Variants in DSTYK observed in about 807,000 individuals in gnomAD.
DSTYK encodes dual serine/threonine and tyrosine protein kinase.
Under a neutral mutation model 98.7 loss-of-function variants are expected in DSTYK, and 34 were observed. The ratio of observed to expected loss-of-function variants is 0.34; its 90% CI spans 0.26 to 0.46. The LOEUF is 0.46. Among genes scored for constraint, DSTYK ranks in the 20% least tolerant of loss-of-function variants. DSTYK has a pLI of 1.00. For synonymous variants in DSTYK, 462 were observed against 457.3 expected (o/e 1.01, Z -0.13); for missense variants, 962 against 1,181.7 (o/e 0.81, Z 2.73).
chr1:205,209,462 C>A (rs1246193407), intron 1 of DSTYK, among the ~76,000 whole-genome samples: 1 of 130,776 alleles, frequency 7.6e-6, no homozygotes, highest in African/African-American at 2.5e-5. Flanking sequence ...TATTTCTGGA[C>A]GTAAGATGTC....
At chr1:205,171,700 CA>C (rs1162299738) in intron 2 of DSTYK, among the ~76,000 whole-genome samples, 3 of 152,128 alleles carry the variant, frequency 2.0e-5, no homozygotes, top group African/African-American at 4.8e-5. Flanking sequence ...GGGACTCACA[CA>C]TATTAATATA....
Position 205,211,541 on chromosome 1 carries a change from C to T in DSTYK, c.-6G>A. On this transcript the variant is annotated 5_prime_UTR_variant, in exon 1 of 13. Transcript: ENST00000367162. ...GGCACCCCGTCGCCCTCCATCGCCT[C>T]TGCCCGCTCTGTCTTTGCGGCTCGG... The T allele has an allele frequency of 6.6e-7, 1 of 1,510,088 alleles. No individual in the cohort carries two copies. The highest frequency in any genetic ancestry group is 8.8e-7 in the Non-Finnish European group (1 of 1,136,968). The allele number at this position is 1,510,088 out of a possible 1,614,324, so 93.5% of individuals were successfully genotyped here.
Position 205,159,572 on chromosome 1 carries a change from T to C in DSTYK, c.2213A>G (p.His738Arg). Residue 738 changes from histidine to arginine, a missense_variant, in exon 9 of 13, where the codon CAC becomes CGC. Physicochemically the swap from His to Arg is conservative, Grantham distance 29 (BLOSUM62 0). Coordinates refer to ENST00000367162, the MANE Select transcript of DSTYK (RefSeq NM_015375.3). ...CTTCAGCCCTGTGTAGAGATCCCGG[T>C]GTAGCCGCTCCATAATGAGGAGCAC... ...IAVLLIMERL[H>R]RDLYTGLKAG... The C allele has an allele frequency of 6.4e-7, 1 of 1,569,670 alleles. No homozygotes were observed. Among genetic ancestry groups the C allele is most frequent in the Non-Finnish European group, 8.6e-7 (1 of 1,156,474 alleles).
chr1:205,165,047 T>C (rs1175275259), intron 3 of DSTYK, among the ~76,000 whole-genome samples: 1 of 152,146 alleles, frequency 6.6e-6, no homozygotes, highest in Non-Finnish European at 1.5e-5. Flanking sequence ...CTCCCTAGCA[T>C]ATTAATGAGA....
In DSTYK at chr1:205,166,205, G is replaced by T. The variant is rs574846519; in HGVS notation, c.1325-2250C>A. Among the ~76,000 whole-genome samples the T allele has an allele frequency of 4.6e-5, 7 of 152,244 alleles. No homozygotes were observed. In the South Asian group the frequency reaches 1.5e-3, roughly 32 times the overall value. On this transcript the variant is annotated intron_variant, in intron 3 of 12. Transcript: ENST00000367162. ...AGACAAGTGCAGAAGAACATATGGA[G>T]AAGAACTGGGTGGCTGGGGGATGGT...
At chr1:205,190,615 C>CA (rs760042971) in intron 1 of DSTYK, among the ~76,000 whole-genome samples, 42,544 of 71,386 alleles carry the variant, frequency 0.6, 11,511 homozygotes, top group Non-Finnish European at 0.66. Context: ...GACTCCATCT[C>CA]AAAAAAAAAA....
At chr1:205,204,114 T>G (rs1221748204) in intron 1 of DSTYK, among the ~76,000 whole-genome samples, 1 of 151,542 alleles carries the variant, frequency 6.6e-6, no homozygotes, top group Non-Finnish European at 1.5e-5. Flanking sequence ...TGTCAGGGAG[T>G]GGAAACTAGA....
chr1:205,169,510 T>C lies in DSTYK; in HGVS notation c.977A>G (p.Asp326Gly). ...CACCAACATGCTCTGAGCTTTAGTATCCTGGCCAGGAGCCCCACAGTTCCA... is the reference window on the plus strand; with the variant it reads ...CACCAACATGCTCTGAGCTTTAGTACCCTGGCCAGGAGCCCCACAGTTCCA... Reference protein sequence around the residue: ...SHWNCGAPGQDTKAQSMLVEQ... With the variant: ...SHWNCGAPGQGTKAQSMLVEQ... The change falls in exon 3 of 13, where the codon GAT becomes GGT. Residue 326 changes from aspartate to glycine, a missense_variant. Around this residue, in one of 4 missense-constraint regions of DSTYK, gnomAD observed 660 missense variants for 855.0 expected, o/e 0.77. Transcript: ENST00000367162. This position sits in a 1 kb window ranked among gnomAD's most constrained non-coding sequence, Gnocchi z 4.0. The C allele has an allele frequency of 6.2e-7, 1 of 1,614,136 alleles. No homozygotes were observed. The highest frequency in any genetic ancestry group is 2.2e-5 in the East Asian group (1 of 44,876).
chr1:205,206,285 G>GTT (rs1320166936), intron 1 of DSTYK, among the ~76,000 whole-genome samples: 6 of 145,568 alleles, frequency 4.1e-5, no homozygotes, highest in Admixed American at 6.9e-5. Flanking sequence ...TTTTTTTTTA[G>GTT]TTTTTTGTTT....
chr1:205,211,540 T>G lies in DSTYK; in HGVS notation c.-5A>C. On this transcript the variant is annotated 5_prime_UTR_variant, in exon 1 of 13. Transcript: ENST00000367162. ...TGGCACCCCGTCGCCCTCCATCGCCTCTGCCCGCTCTGTCTTTGCGGCTCG... is the reference window on the plus strand; with the variant it reads ...TGGCACCCCGTCGCCCTCCATCGCCGCTGCCCGCTCTGTCTTTGCGGCTCG... 2.7e-6 allele frequency: 4 copies of G among 1,508,906 alleles called. No individual in the cohort carries two copies. Among genetic ancestry groups the G allele is most frequent in the Non-Finnish European group, 3.5e-6 (4 of 1,136,498 alleles). 93.5% of individuals were successfully genotyped at this position (1,508,906 alleles called of 1,614,324 possible). A position where few individuals can be genotyped will look rare whatever the true frequency, so the allele number is the denominator to read the frequency against.
In DSTYK at chr1:205,160,165, G is replaced by C; in HGVS notation, c.2054C>G (p.Pro685Arg). The change falls in exon 8 of 13, where the codon CCT (proline) becomes CGT (arginine). Residue 685 changes from proline to arginine, a missense_variant. Physicochemically the swap from Pro to Arg is moderately radical, Grantham distance 103. This residue lies in a region of DSTYK where 660 missense variants were observed against 855.0 expected (regional missense o/e 0.77). Coordinates refer to ENST00000367162, the MANE Select transcript of DSTYK (RefSeq NM_015375.3). ...ATCATTCCAGTGCTTCTCATCTGGA[G>C]GGACAACTGATTTGAGGGCACAAGG... ...HFPCALKSVV[P>R]PDEKHWNDLA... is the part of the protein sequence containing the mutation. 2.5e-6 allele frequency: 4 copies of C among 1,614,132 alleles called. No individual in the cohort carries two copies. Among genetic ancestry groups the C allele is most frequent in the Non-Finnish European group, 3.4e-6 (4 of 1,180,018 alleles).
rs371839746 is a variant in DSTYK at position 205,162,081 on chromosome 1, A to T, written c.1773T>A (p.Thr591=). The change falls in exon 6 of 13, where the codon ACT becomes ACA. Residue 591 remains threonine, a synonymous_variant. Coordinates refer to ENST00000367162, the MANE Select transcript of DSTYK (RefSeq NM_015375.3). The part of the protein sequence containing the change: ...LAKSICSQFR[T]RLNSSHEAFA... ...AAGCCTCGTGGGAACTATTGAGCCGAGTCCGGAATTGGCTGCAAATGCTCT... is the reference window on the plus strand; with the variant it reads ...AAGCCTCGTGGGAACTATTGAGCCGTGTCCGGAATTGGCTGCAAATGCTCT... 5.8e-5 allele frequency: 94 copies of T among 1,614,010 alleles called. No individual in the cohort carries two copies. The highest frequency in any genetic ancestry group is 7.7e-5 in the Non-Finnish European group (91 of 1,180,012).
At position 205,150,732 on chromosome 1, in the gene DSTYK, C is replaced by T; in HGVS notation, c.2415G>A (p.Met805Ile). The change falls in exon 11 of 13, where the codon ATG becomes ATA. Residue 805 changes from methionine (M) to isoleucine (I), a missense_variant. Physicochemically the swap from Met to Ile is conservative, Grantham distance 10 (BLOSUM62 1). Around this residue, in one of 4 missense-constraint regions of DSTYK, gnomAD observed 69 missense variants for 142.9 expected, o/e 0.48. Transcript: ENST00000367162. The surrounding 1 kb of genome is among the most constrained non-coding windows in gnomAD (Gnocchi z 4.1). The part of the protein sequence containing the change: ...DLGFCKPEAM[M>I]SGSIVGTPIH... ...TTGGTGTCCCCACAATGCTGCCTGA[C>T]ATCATGGCCTCTGGCTTGCAGAATC... The T allele has an allele frequency of 1.2e-6, 2 of 1,614,132 alleles. No individual in the cohort carries two copies. Among genetic ancestry groups the T allele is most frequent in the Non-Finnish European group, 1.7e-6 (2 of 1,180,030 alleles).
At chr1:205,165,086 A>T (rs1657848644) in intron 3 of DSTYK, among the ~76,000 whole-genome samples, 1 of 152,022 alleles carries the variant, frequency 6.6e-6, no homozygotes, top group South Asian at 2.1e-4. Context: ...ATTGTATTCT[A>T]TGTTTTGTTT....
intron 6 of DSTYK, 81 bp from the exon 7 acceptor site, chr1:205,161,468 T>TAG: frequency 1.5e-6 from 2 of 1,373,176 alleles, no homozygotes; most frequent in East Asian, 4.7e-5. Flanking sequence ...GATAATAATA[T>TAG]CTACTTCATA....
At chr1:205,192,540 T>C (rs1658742351) in intron 1 of DSTYK, among the ~76,000 whole-genome samples, 1 of 151,524 alleles carries the variant, frequency 6.6e-6, no homozygotes, top group Admixed American at 6.6e-5. Context: ...AAAATAATAA[T>C]AATAAAGATG....
At chr1:205,205,762 A>G (rs72743210) in intron 1 of DSTYK, among the ~76,000 whole-genome samples, 5,674 of 152,250 alleles carry the variant, frequency 0.037, 154 homozygotes, top group Non-Finnish European at 0.054. Context: ...CCTATTTTAA[A>G]TAAGTACACT....
At chr1:205,151,737 A>G (rs982776497) in intron 10 of DSTYK, among the ~76,000 whole-genome samples, 1 of 151,440 alleles carries the variant, frequency 6.6e-6, no homozygotes, top group African/African-American at 2.4e-5. Context: ...GTTAAGAACT[A>G]AAACACAGAC....
chr1:205,176,407 C>T (rs1243892293), intron 2 of DSTYK, among the ~76,000 whole-genome samples: 2 of 125,788 alleles, frequency 1.6e-5, no homozygotes, highest in Admixed American at 1.0e-4. Flanking sequence ...GCCCAGGAGG[C>T]GGAGGTTGCG....
Sources: allele counts gnomAD v4.1 joint callset (sites outside exome capture counted in the v4.1 genomes callset), GRCh38; gene constraint gnomAD v4.1.1; regional missense constraint gnomAD v4.1.1; non-coding constraint Gnocchi (gnomAD v3.1); transcripts MANE v1.5; gene names NCBI Gene and HGNC (gene_info 2026-07-23, HGNC 2026-07-21).